The following PRELID2 variants were observed in gnomAD, a reference collection of about 807,000 sequenced individuals.
The protein encoded by PRELID2 is PRELI domain containing 2, also known as PRELI domain-containing protein 2.
Under a neutral mutation model 28.4 loss-of-function variants are expected in PRELID2, and 25 were observed. That is an observed-to-expected ratio of 0.88 (90% confidence interval 0.64 to 1.23). The LOEUF (loss-of-function observed/expected upper bound fraction) is 1.23, where lower values mean the gene tolerates loss of function less well. PRELID2 is among the 50% of genes most tolerant of loss of function. PRELID2 has a pLI of 0.00. For synonymous variants in PRELID2, 76 were observed against 71.6 expected, an observed-to-expected ratio of 1.06 and a Z score of -0.31; for missense variants, 201 against 214.4, an observed-to-expected ratio of 0.94 and a Z score of 0.39.
chr5:145,807,533 CT>C (rs1015774836), intron 4 of PRELID2, among the ~76,000 whole-genome samples: 3 of 151,858 alleles, frequency 2.0e-5, no homozygotes, highest in Admixed American at 6.6e-5. Context: ...AGCTTTATCC[CT>C]TTTCCCAGAG....
At chr5:145,525,762 C>G (rs370346843) in intron 1 of PRELID2, among the ~76,000 whole-genome samples, 2 of 152,136 alleles carry the variant, frequency 1.3e-5, no homozygotes, top group African/African-American at 4.8e-5. Context: ...TCAACAACTG[C>G]GAGAAACCAA....
chr5:145,648,415 ATAAT>A (rs1254206379), intron 1 of PRELID2, among the ~76,000 whole-genome samples: 5 of 127,464 alleles, frequency 3.9e-5, no homozygotes, highest in Admixed American at 9.8e-5. Context: ...AATAATAAAA[ATAAT>A]AAATAATAAA....
At chr5:145,469,306 T>C (rs1342546250), downstream of PRELID2, among the ~76,000 whole-genome samples, 4 of 152,112 alleles carry the variant, frequency 2.6e-5, no homozygotes, top group Non-Finnish European at 5.9e-5. Context: ...TGTATACTAG[T>C]AGTAAATCCT....
At chr5:145,722,115 C>T (rs1211880218) in intron 1 of PRELID2, among the ~76,000 whole-genome samples, 2 of 151,952 alleles carry the variant, frequency 1.3e-5, no homozygotes, top group Non-Finnish European at 2.9e-5. Context: ...AAACATTAAA[C>T]CCTGATAATA....
the PRELID2 span, among the ~76,000 whole-genome samples, chr5:145,235,264 G>A: frequency 6.6e-6 from 1 of 152,100 alleles, no homozygotes; most frequent in African/African-American, 2.4e-5. Flanking sequence ...TATTCTTATG[G>A]TAAGGTGACA....
intron 6 of PRELID2, among the ~76,000 whole-genome samples, chr5:145,763,857 C>T (rs1342179504): frequency 1.3e-5 from 2 of 152,138 alleles, no homozygotes; most frequent in African/African-American, 4.8e-5. Context: ...GCAGGTGGAT[C>T]ACGAAGTCAG....
At chr5:145,648,967 T>C (rs1051624847) in intron 1 of PRELID2, among the ~76,000 whole-genome samples, 4 of 152,212 alleles carry the variant, frequency 2.6e-5, no homozygotes, top group African/African-American at 7.2e-5. Flanking sequence ...GTAGAAACCA[T>C]ACTTTGAGTA....
At chr5:145,534,068 A>G (rs1179539611) in intron 1 of PRELID2, among the ~76,000 whole-genome samples, 1 of 152,050 alleles carries the variant, frequency 6.6e-6, no homozygotes, top group Non-Finnish European at 1.5e-5. Flanking sequence ...CTAATAGATA[A>G]AAGTCTTTAT....
At chr5:145,656,122 C>A (rs113883577) in intron 1 of PRELID2, among the ~76,000 whole-genome samples, 2,714 of 152,086 alleles carry the variant, frequency 0.018, 91 homozygotes, top group African/African-American at 0.061. Context: ...AAAAGAAGAC[C>A]TTTATGCAAC....
intron 5 of PRELID2, among the ~76,000 whole-genome samples, chr5:145,765,790 C>T (rs1354927776): frequency 2.0e-5 from 3 of 152,158 alleles, no homozygotes; most frequent in South Asian, 2.1e-4. Context: ...AAGAGCTGAC[C>T]TAGGACACCT....
At chr5:145,549,140 GCTCT>G (rs1417453605) in intron 1 of PRELID2, among the ~76,000 whole-genome samples, 1 of 152,148 alleles carries the variant, frequency 6.6e-6, no homozygotes, top group East Asian at 1.9e-4. Context: ...TGCTCTCAGA[GCTCT>G]CTCTAGAGCT....
intron 4 of PRELID2, among the ~76,000 whole-genome samples, chr5:145,799,010 C>T (rs1752951400): frequency 1.4e-5 from 2 of 147,552 alleles, no homozygotes; most frequent in South Asian, 2.1e-4. Context: ...TACCCTAGAA[C>T]TTAAAGTATA....
the PRELID2 span, among the ~76,000 whole-genome samples, chr5:145,407,401 A>G: frequency 2.0e-5 from 3 of 152,122 alleles, no homozygotes; most frequent in Admixed American, 2.0e-4. Flanking sequence ...CCCTGGGAAC[A>G]TAACTCCATT....
chr5:145,417,801 G>A, the PRELID2 span, among the ~76,000 whole-genome samples: 2 of 152,272 alleles, frequency 1.3e-5, no homozygotes, highest in South Asian at 4.2e-4. Flanking sequence ...TAATGGATGG[G>A]CAAAAGCTGG....
At chr5:145,429,753 A>G in the PRELID2 span, 11 of 152,238 alleles carry the variant, frequency 7.2e-5, no homozygotes, top group Non-Finnish European at 1.3e-4. Context: ...CTTTGATTCT[A>G]GGCTGGTGTT....
chr5:145,254,540 A>G, the PRELID2 span, among the ~76,000 whole-genome samples: 2 of 152,080 alleles, frequency 1.3e-5, no homozygotes, highest in African/African-American at 4.8e-5. Flanking sequence ...GCACAGGCTC[A>G]TGTACCTGTT....
At chr5:145,252,293 G>C in the PRELID2 span, among the ~76,000 whole-genome samples, 1 of 152,184 alleles carries the variant, frequency 6.6e-6, no homozygotes. Flanking sequence ...TAGATTCTCT[G>C]GCCCTGTCTT....
intron 2 of PRELID2, among the ~76,000 whole-genome samples, chr5:145,821,152 G>GGGGTGTGTGTGTGTGTGTGTGTGTGT (rs1471788872): frequency 6.2e-4 from 55 of 88,260 alleles, no homozygotes; most frequent in African/African-American, 2.0e-3. Flanking sequence ...AACTCTCCTG[G>GGGGTGTGTGTGTGTGTGTGTGTGTGT]GTGTGTGTGT....
At chr5:145,711,877 G>A (rs1029349726) in intron 1 of PRELID2, among the ~76,000 whole-genome samples, 1 of 152,172 alleles carries the variant, frequency 6.6e-6, no homozygotes, top group Non-Finnish European at 1.5e-5. Flanking sequence ...CAAGGAGAAC[G>A]CCCCAGTGAC....
Sources: allele counts gnomAD v4.1 joint callset (sites outside exome capture counted in the v4.1 genomes callset), GRCh38; gene constraint gnomAD v4.1.1; transcripts MANE v1.5; gene names NCBI Gene and HGNC (gene_info 2026-07-23, HGNC 2026-07-21).